Variants in HS6ST3 observed in about 807,000 individuals in gnomAD.
HS6ST3 encodes heparan sulfate 6-O-sulfotransferase 3, also known as heparan-sulfate 6-O-sulfotransferase 3.
A neutral mutation model predicts 36.7 loss-of-function variants in HS6ST3; 12 were observed. That is an observed-to-expected ratio of 0.33 (90% CI 0.21 to 0.53). The LOEUF (loss-of-function observed/expected upper bound fraction) is 0.53. HS6ST3 is among the 20% of genes least tolerant of loss of function. The pLI, the probability that HS6ST3 is intolerant of heterozygous loss-of-function variation, is 0.95. For missense variants in HS6ST3, 584 were observed against 640.9 expected (o/e 0.91, Z 0.96); for synonymous variants, 240 against 257.5 (o/e 0.93, Z 0.65).
chr13:96,234,098 G>GT (rs2054520841), intron 1 of HS6ST3, among the ~76,000 whole-genome samples: 2 of 144,108 alleles, frequency 1.4e-5, no homozygotes, highest in African/African-American at 2.6e-5. Flanking sequence ...TTTTTCATCT[G>GT]TTAAAAAAAA....
chr13:96,677,877 G>T (rs548506687), intron 1 of HS6ST3, among the ~76,000 whole-genome samples: 1 of 152,206 alleles, frequency 6.6e-6, no homozygotes, highest in South Asian at 2.1e-4. Context: ...ATAATGAGTT[G>T]TTTAAATTAG....
intron 1 of HS6ST3, among the ~76,000 whole-genome samples, chr13:96,583,199 C>CTTTTTTTT (rs1210357260): frequency 1.2e-4 from 4 of 33,942 alleles, no homozygotes; most frequent in Admixed American, 3.8e-4. Flanking sequence ...ATTTCTTTTT[C>CTTTTTTTT]TTTTCTTTTT....
At chr13:96,178,292 A>C (rs2054222022) in intron 1 of HS6ST3, among the ~76,000 whole-genome samples, 1 of 152,226 alleles carries the variant, frequency 6.6e-6, no homozygotes. Flanking sequence ...AAAATTGAGT[A>C]GCAAGAATGG....
intron 1 of HS6ST3, among the ~76,000 whole-genome samples, chr13:96,794,486 T>G (rs1877864210): frequency 6.6e-6 from 1 of 152,080 alleles, no homozygotes; most frequent in Non-Finnish European, 1.5e-5. Flanking sequence ...GTTTTTAAAA[T>G]ATGGATTTTA....
chr13:96,602,316 C>G (rs2056424511), intron 1 of HS6ST3, among the ~76,000 whole-genome samples: 1 of 152,046 alleles, frequency 6.6e-6, no homozygotes, highest in South Asian at 2.1e-4. Context: ...TATTTTTGTT[C>G]ATTTGGTGAT....
At chr13:96,260,952 T>C (rs1162028889) in intron 1 of HS6ST3, among the ~76,000 whole-genome samples, 6 of 152,186 alleles carry the variant, frequency 3.9e-5, no homozygotes, top group Admixed American at 2.0e-4. Context: ...GATTTTCTTA[T>C]AGTTAAGTCT....
At chr13:96,714,576 G>A (rs1449059942) in intron 1 of HS6ST3, among the ~76,000 whole-genome samples, 4 of 152,160 alleles carry the variant, frequency 2.6e-5, no homozygotes, top group African/African-American at 9.7e-5. Context: ...TTTAGAGATT[G>A]ATTTGGCATG....
chr13:96,600,248 C>T (rs1162928088), intron 1 of HS6ST3, among the ~76,000 whole-genome samples: 1 of 151,764 alleles, frequency 6.6e-6, no homozygotes, highest in East Asian at 1.9e-4. Flanking sequence ...GTGTTGAACT[C>T]CCCCACTATT....
intron 1 of HS6ST3, among the ~76,000 whole-genome samples, chr13:96,508,973 G>C (rs529121361): frequency 2.4e-4 from 36 of 152,222 alleles, no homozygotes; most frequent in African/African-American, 8.2e-4. Flanking sequence ...CCTACCAGTA[G>C]AATATATGCG....
intron 1 of HS6ST3, among the ~76,000 whole-genome samples, chr13:96,453,965 C>T (rs1209212605): frequency 6.6e-6 from 1 of 152,108 alleles, no homozygotes; most frequent in Non-Finnish European, 1.5e-5. Context: ...TCCTCCTTAC[C>T]TTGCCCTGTT....
At chr13:96,283,360 A>T (rs940261819) in intron 1 of HS6ST3, among the ~76,000 whole-genome samples, 4 of 152,218 alleles carry the variant, frequency 2.6e-5, no homozygotes, top group Admixed American at 6.5e-5. Context: ...GACTGCAAAG[A>T]TTATTTTCAT....
chr13:96,443,001 G>A (rs1044314050), intron 1 of HS6ST3, among the ~76,000 whole-genome samples: 1 of 151,546 alleles, frequency 6.6e-6, no homozygotes, highest in African/African-American at 2.4e-5. Context: ...AGCAATATTA[G>A]GTAAAAAATG....
At chr13:96,730,092 A>G (rs1305373087) in intron 1 of HS6ST3, among the ~76,000 whole-genome samples, 5 of 152,230 alleles carry the variant, frequency 3.3e-5, no homozygotes, top group East Asian at 1.9e-4. Flanking sequence ...GCCTTTGCAT[A>G]TAATATTATC....
At chr13:96,344,048 T>C (rs1445548862) in intron 1 of HS6ST3, among the ~76,000 whole-genome samples, 1 of 152,166 alleles carries the variant, frequency 6.6e-6, no homozygotes, top group African/African-American at 2.4e-5. Flanking sequence ...GGCCTCGTTA[T>C]TACAGTATCT....
At chr13:96,245,481 T>C (rs986291107) in intron 1 of HS6ST3, among the ~76,000 whole-genome samples, 1 of 152,176 alleles carries the variant, frequency 6.6e-6, no homozygotes, top group African/African-American at 2.4e-5. Flanking sequence ...TACTTTCTCA[T>C]TGGTTCCAGC....
chr13:96,522,093 T>G (rs964289943), intron 1 of HS6ST3, among the ~76,000 whole-genome samples: 1 of 152,252 alleles, frequency 6.6e-6, no homozygotes, highest in African/African-American at 2.4e-5. Flanking sequence ...TATTTCTGCC[T>G]TCATTTTGTT....
chr13:96,124,909 A>G (rs955631705), intron 1 of HS6ST3, among the ~76,000 whole-genome samples: 1 of 152,192 alleles, frequency 6.6e-6, no homozygotes, highest in African/African-American at 2.4e-5. Context: ...TGATAGCTAT[A>G]GAGATATACC....
At chr13:96,662,205 T>G (rs527751564) in intron 1 of HS6ST3, among the ~76,000 whole-genome samples, 1 of 152,286 alleles carries the variant, frequency 6.6e-6, no homozygotes, top group South Asian at 2.1e-4. Context: ...ACTTTTTCCT[T>G]TTTCTTCTTC....
chr13:96,344,592 G>A (rs1372384019), intron 1 of HS6ST3, among the ~76,000 whole-genome samples: 2 of 152,184 alleles, frequency 1.3e-5, no homozygotes, highest in Non-Finnish European at 2.9e-5. Flanking sequence ...TGGGCATATT[G>A]CATTTTGGTG....
Sources: allele counts gnomAD v4.1 joint callset (sites outside exome capture counted in the v4.1 genomes callset), GRCh38; gene constraint gnomAD v4.1.1; transcripts MANE v1.5; gene names NCBI Gene and HGNC (gene_info 2026-07-23, HGNC 2026-07-21).